The following RNF166 variants were observed in gnomAD, a reference collection of about 807,000 sequenced individuals.
RNF166 encodes E3 ubiquitin-protein ligase RNF166.
In RNF166, 19 loss-of-function variants were observed where a neutral mutation model predicts 29.4. That is an observed-to-expected ratio of 0.65 (90% CI 0.45 to 0.95). The LOEUF is 0.95. RNF166 is among the 40% of genes least tolerant of loss of function. RNF166 has a pLI of 0.00. For missense variants in RNF166, 347 were observed against 322.1 expected (o/e 1.08, Z -0.59); for synonymous variants, 171 against 134.5 (o/e 1.27, Z -1.88).
At position 88,696,651 on chromosome 16, in the gene RNF166, C is replaced by A. The variant is rs1351695121; in HGVS notation, c.*917G>T. The A allele has an allele frequency of 4.5e-6, 2 of 444,748 alleles. No individual in the cohort carries two copies. Among genetic ancestry groups the A allele is most frequent in the African/African-American group, 2.0e-5 (1 of 48,894 alleles). The allele number at this position is 444,748 out of a possible 1,614,324, so 27.6% of individuals were successfully genotyped here. A position where few individuals can be genotyped will look rare whatever the true frequency, so the allele number is the denominator to read the frequency against. ...AGCTCTGCCACCACTGGGGTGCCGTCCCCTCCCGCAGCGGGGCACAGTCAG... is the reference window on the plus strand; with the variant it reads ...AGCTCTGCCACCACTGGGGTGCCGTACCCTCCCGCAGCGGGGCACAGTCAG... On this transcript the variant is annotated 3_prime_UTR_variant, in exon 6 of 6. Coordinates refer to ENST00000312838, the MANE Select transcript of RNF166 (RefSeq NM_178841.4).
At position 88,697,041 on chromosome 16, in the gene RNF166, GCT is replaced by G. The variant is rs1368481065; in HGVS notation, c.*525_*526del. 1 of 184,390 alleles carries G rather than the reference GCT, an allele frequency of 5.4e-6. No homozygotes were observed. Among genetic ancestry groups the G allele is most frequent in the African/African-American group, 2.4e-5 (1 of 41,634 alleles). 11.4% of individuals were successfully genotyped at this position (184,390 alleles called of 1,614,324 possible). On this transcript the variant is annotated 3_prime_UTR_variant, in exon 6 of 6. Coordinates refer to ENST00000312838, the MANE Select transcript of RNF166 (RefSeq NM_178841.4). ...AGATATTGCAATATGAAGAGTAACT[GCT>G]CTGTCTTTGCTCTATAAAACGTGAA...
rs781185214 is a variant in RNF166 at position 88,701,373 on chromosome 16, C to T, written c.201G>A (p.Pro67=). 12 of 1,611,838 alleles carry T rather than the reference C, an allele frequency of 7.4e-6. No homozygotes were observed. The highest frequency in any genetic ancestry group is 2.7e-5 in the African/African-American group (2 of 74,930). The change falls in exon 2 of 6, where the codon CCG becomes CCA. Residue 67 remains proline (P), a synonymous_variant. Transcript: ENST00000312838. ...CLQPCLQVPS[P]LCPLCRLPFD... is the part of the protein sequence containing the mutation. The stretch of plus-strand genomic sequence containing the variant: ...AGGGCAGGCGGCAGAGTGGGCACAG[C>T]GGGGATGGCACCTGCAGGCAGGGCT...
rs752318317 is a variant in RNF166 at position 88,703,166 on chromosome 16, C to T, written c.156-1748G>A. 150 of 984,866 alleles carry T rather than the reference C, an allele frequency of 1.5e-4. 1 individual carries two copies. In the Middle Eastern group the frequency reaches 2.1e-3, roughly 14 times the overall value. The allele number at this position is 984,866 out of a possible 1,614,324, so 61.0% of individuals were successfully genotyped here. ...CGTCCAGCAGAGAGAAACCCAGTGA[C>T]CAGAAAGCAGACGGGTGGGTGCCAG... On this transcript the variant is annotated intron_variant, in intron 1 of 5. Coordinates refer to ENST00000312838, the MANE Select transcript of RNF166 (RefSeq NM_178841.4).
rs1027630504 is a variant in RNF166, at chr16:88,696,555, T to G, written c.*1013A>C. 1.1e-5 allele frequency: 5 copies of G among 444,322 alleles called. No homozygotes were observed. The highest frequency in any genetic ancestry group is 2.6e-5 in the Admixed American group (1 of 38,654). 27.5% of individuals were successfully genotyped at this position (444,322 alleles called of 1,614,324 possible). A position where few individuals can be genotyped will look rare whatever the true frequency, so the allele number is the denominator to read the frequency against. ...TTTTTAAAAAAAAGACAGCAATAAT[T>G]AATGCCAAGAACAGAAAAGAATGTT... On this transcript the variant is annotated 3_prime_UTR_variant, in exon 6 of 6. Coordinates refer to ENST00000312838, the MANE Select transcript of RNF166 (RefSeq NM_178841.4).
Position 88,697,410 on chromosome 16 carries a change from T to G in RNF166, c.*158A>C. 1.8e-6 allele frequency: 1 copy of G among 568,846 alleles called. No individual in the cohort carries two copies. Among genetic ancestry groups the G allele is most frequent in the South Asian group, 2.2e-5 (1 of 44,494 alleles). The allele number at this position is 568,846 out of a possible 1,614,324, so 35.2% of individuals were successfully genotyped here. On this transcript the variant is annotated 3_prime_UTR_variant, in exon 6 of 6. Coordinates refer to ENST00000312838, the MANE Select transcript of RNF166 (RefSeq NM_178841.4). Reference sequence around the variant, plus strand: ...GGCGGCCTCGGCGGCTGGCCCGTATTCAGGCCCGGAGGCTCGGCCCCGGCT... The same window carrying G: ...GGCGGCCTCGGCGGCTGGCCCGTATGCAGGCCCGGAGGCTCGGCCCCGGCT...
At position 88,706,163 on chromosome 16, in the gene RNF166, G is replaced by T; in HGVS notation, c.155+8C>A. The T allele has an allele frequency of 1.6e-6, 2 of 1,214,594 alleles. No individual in the cohort carries two copies. Among genetic ancestry groups the T allele is most frequent in the African/African-American group, 1.6e-5 (1 of 62,026 alleles). The allele number at this position is 1,214,594 out of a possible 1,614,324, so 75.2% of individuals were successfully genotyped here. On this transcript the variant is annotated splice_region_variant and intron_variant, in intron 1 of 5. Transcript: ENST00000312838. ...CCCTCCCCGCGGCCCCTGGGCGGGC[G>T]CGCTCACGTGTGGCCGCAGCTGCCG...
At chr16:88,701,760 C>G (rs185849708) in intron 1 of RNF166, 37 of 274,568 alleles carry the variant, frequency 1.3e-4, no homozygotes, top group African/African-American at 7.9e-4. Context: ...GTTCACGTGG[C>G]GACAACACCT....
chr16:88,698,491 G>A lies in RNF166; in HGVS notation c.648+11C>T, dbSNP rs763608765. 7.7e-6 allele frequency: 12 copies of A among 1,553,368 alleles called. No individual in the cohort carries two copies. The highest frequency in any genetic ancestry group is 7.1e-5 in the South Asian group (6 of 84,598). ...GGGCGTGGGGGAGGACGGTGCTGGC[G>A]GGATGCCTACCACAAAGGTGTCGTA... On this transcript the variant is annotated intron_variant, in intron 5 of 5. Transcript: ENST00000312838.
intron 3 of RNF166, 30 bp from the exon 4 acceptor site, chr16:88,699,115 C>G: frequency 2.1e-6 from 3 of 1,442,732 alleles, no homozygotes; most frequent in Non-Finnish European, 2.9e-6. Context: ...GTGAGTGGCA[C>G]GGCTAGGTGT....
Position 88,701,061 on chromosome 16 carries a change from G to A in RNF166, c.312+201C>T, listed in dbSNP as rs889175040. ...CTACCCCCACCGGGCTGGCCCCCCC[G>A]TCAGCCGTCACCACAGGAAGTGAGA... On this transcript the variant is annotated intron_variant, in intron 2 of 5. Transcript: ENST00000312838. 8.6e-5 allele frequency: 114 copies of A among 1,318,462 alleles called. No individual in the cohort carries two copies. The East Asian group carries it at 2.0e-3, about 23-fold the overall frequency. The allele number at this position is 1,318,462 out of a possible 1,614,324, so 81.7% of individuals were successfully genotyped here. A position where few individuals can be genotyped will look rare whatever the true frequency, so the allele number is the denominator to read the frequency against.
chr16:88,705,126 G>A (rs182785657), intron 1 of RNF166, among the ~76,000 whole-genome samples: 29 of 152,352 alleles, frequency 1.9e-4, no homozygotes, highest in Non-Finnish European at 3.2e-4. Flanking sequence ...AGGCGCCTGT[G>A]CTGCCTGACA....
Position 88,697,639 on chromosome 16 carries a change from GA to G in RNF166, c.649-7del. 6.5e-7 allele frequency: 1 copy of G among 1,548,820 alleles called. No homozygotes were observed. The highest frequency in any genetic ancestry group is 8.7e-7 in the Non-Finnish European group (1 of 1,145,146). Reference sequence around the variant, plus strand: ...TCCTCGTCAATACTGTAGTCCTGGAGACAGGAAGGAGAGATGCACCGGGCTC... The same window carrying G: ...TCCTCGTCAATACTGTAGTCCTGGAGCAGGAAGGAGAGATGCACCGGGCTC... On this transcript the variant is annotated splice_polypyrimidine_tract_variant and splice_region_variant and intron_variant, in intron 5 of 5. Coordinates refer to ENST00000312838, the MANE Select transcript of RNF166 (RefSeq NM_178841.4).
At position 88,697,262 on chromosome 16, in the gene RNF166, T is replaced by A; in HGVS notation, c.*306A>T. 1 of 261,530 alleles carries A rather than the reference T, an allele frequency of 3.8e-6. No individual in the cohort carries two copies. Among genetic ancestry groups the A allele is most frequent in the Non-Finnish European group, 7.3e-6 (1 of 136,646 alleles). 16.2% of individuals were successfully genotyped at this position (261,530 alleles called of 1,614,324 possible). On this transcript the variant is annotated 3_prime_UTR_variant, in exon 6 of 6. Coordinates refer to ENST00000312838, the MANE Select transcript of RNF166 (RefSeq NM_178841.4). Reference sequence around the variant, plus strand: ...CCCTTCTTCCCACGAGGGGGTATCATGGCTTTGAAGAGACGGCGGCAGCTC... The same window carrying A: ...CCCTTCTTCCCACGAGGGGGTATCAAGGCTTTGAAGAGACGGCGGCAGCTC...
intron 1 of RNF166, among the ~76,000 whole-genome samples, chr16:88,702,158 C>CTG (rs71158748): frequency 2.2e-4 from 34 of 152,368 alleles, no homozygotes; most frequent in East Asian, 1.2e-3. Context: ...GCACACCCTC[C>CTG]CGCTCTGCAG....
intron 1 of RNF166, among the ~76,000 whole-genome samples, chr16:88,701,817 T>C (rs1910268307): frequency 6.6e-6 from 1 of 152,030 alleles, no homozygotes; most frequent in South Asian, 2.1e-4. Context: ...CTGGAAACTC[T>C]CCCGGCTCCA....
Position 88,706,170 on chromosome 16 carries a change from C to T in RNF166, c.155+1G>A. On this transcript the variant is annotated splice_donor_variant, in intron 1 of 5. Coordinates refer to ENST00000312838, the MANE Select transcript of RNF166 (RefSeq NM_178841.4). LOFTEE classifies it high-confidence loss of function. The stretch of plus-strand genomic sequence containing the variant: ...CGCGGCCCCTGGGCGGGCGCGCTCA[C>T]GTGTGGCCGCAGCTGCCGATGGCCA... The T allele has an allele frequency of 8.0e-7, 1 of 1,246,856 alleles. No homozygotes were observed. The highest frequency in any genetic ancestry group is 3.8e-5 in the Admixed American group (1 of 26,558). The allele number at this position is 1,246,856 out of a possible 1,614,324, so 77.2% of individuals were successfully genotyped here.
In RNF166 at chr16:88,700,995, A is replaced by C. The variant is rs1910157334; in HGVS notation, c.312+267T>G. On this transcript the variant is annotated intron_variant, in intron 2 of 5. Coordinates refer to ENST00000312838, the MANE Select transcript of RNF166 (RefSeq NM_178841.4). ...CTGGTCCTTACCCTGGCCACAACCCACGTGGGTTCCCCTGGCCCGGGCTAG... is the reference window on the plus strand; with the variant it reads ...CTGGTCCTTACCCTGGCCACAACCCCCGTGGGTTCCCCTGGCCCGGGCTAG... 4.3e-5 allele frequency: 58 copies of C among 1,351,138 alleles called. No individual in the cohort carries two copies. In the South Asian group the frequency reaches 8.6e-4, roughly 20 times the overall value. The allele number at this position is 1,351,138 out of a possible 1,614,324, so 83.7% of individuals were successfully genotyped here. A position where few individuals can be genotyped will look rare whatever the true frequency, so the allele number is the denominator to read the frequency against.
intron 1 of RNF166, chr16:88,704,071 G>T: frequency 1.0e-6 from 1 of 985,462 alleles, no homozygotes; most frequent in Non-Finnish European, 1.2e-6. Flanking sequence ...CTAGAGCAGG[G>T]TGCATGCCCC....
chr16:88,701,055 C>G lies in RNF166; in HGVS notation c.312+207G>C, dbSNP rs1189208958. 31 of 1,345,696 alleles carry G rather than the reference C, an allele frequency of 2.3e-5. No homozygotes were observed. The African/African-American group carries it at 2.5e-4, about 11-fold the overall frequency. 83.4% of individuals were successfully genotyped at this position (1,345,696 alleles called of 1,614,324 possible). On this transcript the variant is annotated intron_variant, in intron 2 of 5. Coordinates refer to ENST00000312838, the MANE Select transcript of RNF166 (RefSeq NM_178841.4). ...ACAGTGCTACCCCCACCGGGCTGGCCCCCCCGTCAGCCGTCACCACAGGAA... is the reference window on the plus strand; with the variant it reads ...ACAGTGCTACCCCCACCGGGCTGGCGCCCCCGTCAGCCGTCACCACAGGAA...
Sources: gnomAD v4.1 joint callset for allele counts (sites outside exome capture counted in the v4.1 genomes callset) on GRCh38, gnomAD v4.1.1 for gene constraint, MANE v1.5 for transcripts, NCBI Gene and HGNC (gene_info 2026-07-23, HGNC 2026-07-21) for gene names.